SLC25A26: variants seen among roughly 807,000 people sequenced by gnomAD.
The protein encoded by SLC25A26 is solute carrier family 25 member 26.
SLC25A26 carries 36 observed loss-of-function variants against 37.8 expected under a neutral mutation model. The ratio of observed to expected loss-of-function variants is 0.95; its 90% CI spans 0.73 to 1.26. SLC25A26 has a LOEUF of 1.26. Ranked by LOEUF, SLC25A26 falls within the 50% of genes most tolerant of loss-of-function variation. The probability of loss-of-function intolerance (pLI) is 0.00; values close to 1 mark genes in which losing one functional copy is unlikely to be tolerated. For missense variants in SLC25A26, 390 were observed against 331.1 expected (o/e 1.18, Z -1.38); for synonymous variants, 129 against 122.5 (o/e 1.05, Z -0.35).
intron 1 of SLC25A26, among the ~76,000 whole-genome samples, chr3:66,223,364 G>A (rs1034257692): frequency 6.6e-6 from 1 of 152,206 alleles, no homozygotes; most frequent in Non-Finnish European, 1.5e-5. Flanking sequence ...GGTAAGGATA[G>A]CATGGCAGGG....
At chr3:66,339,492 CCAACA>C (rs1474314722) in intron 5 of SLC25A26, among the ~76,000 whole-genome samples, 2 of 151,950 alleles carry the variant, frequency 1.3e-5, no homozygotes, top group African/African-American at 4.8e-5. Flanking sequence ...CCCTTGTTCA[CCAACA>C]GTGAACAAGG....
chr3:66,313,431 G>C (rs537429880), intron 5 of SLC25A26, among the ~76,000 whole-genome samples: 2 of 152,140 alleles, frequency 1.3e-5, no homozygotes, highest in African/African-American at 4.8e-5. Flanking sequence ...GATGGTTGTA[G>C]ATGTGCCATC....
intron 6 of SLC25A26, among the ~76,000 whole-genome samples, chr3:66,353,795 C>G (rs1197430216): frequency 6.6e-6 from 1 of 152,184 alleles, no homozygotes; most frequent in African/African-American, 2.4e-5. Flanking sequence ...GATAAGTTCA[C>G]AGTTAATGAG....
At chr3:66,139,776 T>A (rs1006977822) in intron 1 of SLC25A26, among the ~76,000 whole-genome samples, 3 of 152,230 alleles carry the variant, frequency 2.0e-5, no homozygotes, top group Non-Finnish European at 4.4e-5. Context: ...GAGTTACTTC[T>A]TTCACACTAA....
At chr3:66,314,655 T>C (rs1473676605) in intron 5 of SLC25A26, among the ~76,000 whole-genome samples, 1 of 152,206 alleles carries the variant, frequency 6.6e-6, no homozygotes, top group African/African-American at 2.4e-5. Context: ...GGAGGAGCAC[T>C]TCCTTTTCAG....
At chr3:66,182,145 A>T (rs929366706) in intron 1 of SLC25A26, among the ~76,000 whole-genome samples, 3 of 152,186 alleles carry the variant, frequency 2.0e-5, no homozygotes, top group Admixed American at 2.0e-4. Flanking sequence ...TGGAGCAGAT[A>T]ATCAATATCT....
At chr3:66,377,588 C>CA in intron 9 of SLC25A26, 102 bp from the exon 10 acceptor site, 1 of 828,326 alleles carries the variant, frequency 1.2e-6, no homozygotes, top group Non-Finnish European at 2.0e-6. Context: ...GGTAGTTAGC[C>CA]ACTAATGAGC....
At chr3:66,203,876 C>T (rs2071139655) in intron 1 of SLC25A26, among the ~76,000 whole-genome samples, 5 of 152,174 alleles carry the variant, frequency 3.3e-5, no homozygotes, top group Admixed American at 3.3e-4. Flanking sequence ...GTTTCTACCT[C>T]CCTCATTACA....
At chr3:66,355,577 T>C (rs1280976281) in intron 6 of SLC25A26, among the ~76,000 whole-genome samples, 5 of 152,232 alleles carry the variant, frequency 3.3e-5, no homozygotes, top group Non-Finnish European at 7.3e-5. Context: ...AAATTGTGGT[T>C]CCCAGTTATG....
chr3:66,136,115 G>A (rs957244114), intron 1 of SLC25A26, among the ~76,000 whole-genome samples: 2 of 152,250 alleles, frequency 1.3e-5, no homozygotes, highest in Admixed American at 6.5e-5. Flanking sequence ...TCTGTCCTGC[G>A]GACAGTCAAC....
intron 6 of SLC25A26, among the ~76,000 whole-genome samples, chr3:66,357,216 C>G (rs2076596293): frequency 6.6e-6 from 1 of 152,170 alleles, no homozygotes; most frequent in Non-Finnish European, 1.5e-5. Context: ...GAGTTTGAGA[C>G]TACCCTGGGC....
chr3:66,363,525 A>G (rs1301924574), intron 7 of SLC25A26, among the ~76,000 whole-genome samples: 2 of 152,200 alleles, frequency 1.3e-5, no homozygotes, highest in African/African-American at 2.4e-5. Flanking sequence ...AGTCATATGA[A>G]TTTTCAAGTG....
At chr3:66,264,164 C>T (rs147849642) in intron 5 of SLC25A26, among the ~76,000 whole-genome samples, 5 of 149,014 alleles carry the variant, frequency 3.4e-5, no homozygotes, top group African/African-American at 4.9e-5. Context: ...CCCAGTTACT[C>T]GGGAGGCTGA....
chr3:66,318,708 G>C (rs868098779), intron 5 of SLC25A26, among the ~76,000 whole-genome samples: 2 of 151,626 alleles, frequency 1.3e-5, no homozygotes, highest in South Asian at 4.2e-4. Context: ...TGTCACCCAA[G>C]CTGGAGTGCA....
At chr3:66,322,204 C>T (rs978350894) in intron 5 of SLC25A26, among the ~76,000 whole-genome samples, 19 of 152,160 alleles carry the variant, frequency 1.2e-4, no homozygotes, top group African/African-American at 4.1e-4. Context: ...TAGGATACAG[C>T]AAAGTGTCTT....
rs190338496 is a variant in SLC25A26 at position 66,344,238 on chromosome 3, G to A, written c.454-2126G>A. On this transcript the variant is annotated intron_variant, in intron 5 of 9. Coordinates refer to ENST00000354883, the MANE Select transcript of SLC25A26 (RefSeq NM_001379210.1). ...ATAACAATACCAGGCCAAGGTGGGC[G>A]GATCACCTGAGGTCAGGAGTTCGAG... Among the ~76,000 whole-genome samples the A allele has an allele frequency of 1.4e-4, 22 of 152,160 alleles. No individual in the cohort carries two copies. The East Asian group carries it at 3.1e-3, about 21-fold the overall frequency.
chr3:66,296,278 G>C (rs1052169075), intron 5 of SLC25A26, among the ~76,000 whole-genome samples: 1 of 152,152 alleles, frequency 6.6e-6, no homozygotes, highest in Non-Finnish European at 1.5e-5. Context: ...CACTCTAGTT[G>C]TTTTAGGATA....
intron 5 of SLC25A26, among the ~76,000 whole-genome samples, chr3:66,291,069 C>G (rs2074688872): frequency 1.3e-5 from 2 of 152,124 alleles, no homozygotes; most frequent in Admixed American, 1.3e-4. Flanking sequence ...AGGAATTTAT[C>G]CATTTCCTCT....
At chr3:66,365,880 G>A (rs543478446) in intron 7 of SLC25A26, among the ~76,000 whole-genome samples, 1 of 152,302 alleles carries the variant, frequency 6.6e-6, no homozygotes. Context: ...GTCTGGAGGA[G>A]CAATGAATGG....
Sources: allele counts gnomAD v4.1 joint callset (sites outside exome capture counted in the v4.1 genomes callset), GRCh38; gene constraint gnomAD v4.1.1; transcripts MANE v1.5; gene names NCBI Gene and HGNC (gene_info 2026-07-23, HGNC 2026-07-21).